The following SOX5 variants were observed in gnomAD, a reference collection of about 807,000 sequenced individuals.
The protein encoded by SOX5 is SRY-box transcription factor 5.
A neutral mutation model predicts 92.0 loss-of-function variants in SOX5; 9 were observed. The observed-to-expected ratio is 0.10, with a 90% CI of 0.06 to 0.17. SOX5 has a LOEUF of 0.17. Ranked by LOEUF, SOX5 falls within the 10% of genes least tolerant of loss-of-function variation. SOX5 has a pLI of 1.00. For synonymous variants in SOX5, 344 were observed against 336.3 expected (o/e 1.02, Z -0.25); for missense variants, 642 against 944.5 (o/e 0.68, Z 4.20).
chr12:24,172,818 G>C (rs942080560), intron 4 of SOX5, among the ~76,000 whole-genome samples: 1 of 152,140 alleles, frequency 6.6e-6, no homozygotes, highest in African/African-American at 2.4e-5. Flanking sequence ...AGTCAATTAG[G>C]CTATGAAAGC....
At chr12:23,567,991 G>A (rs1016475896) in intron 10 of SOX5, among the ~76,000 whole-genome samples, 9 of 152,104 alleles carry the variant, frequency 5.9e-5, no homozygotes, top group African/African-American at 2.2e-4. Context: ...GGGTTGAATT[G>A]TGTCTGCCCA....
chr12:24,437,399 A>G (rs1764477087), intron 1 of SOX5, among the ~76,000 whole-genome samples: 1 of 152,240 alleles, frequency 6.6e-6, no homozygotes, highest in African/African-American at 2.4e-5. Flanking sequence ...ACCATTCAGG[A>G]CATAGGCATG....
Position 24,049,094 on chromosome 12 carries a change from T to A in SOX5, c.-1-153070A>T, listed in dbSNP as rs765738. 8.3e-3 allele frequency among the ~76,000 whole-genome samples: 1,261 copies of A among 152,276 alleles called. 22 individuals are homozygous for A. The highest frequency in any genetic ancestry group is 0.029 in the African/African-American group (1,213 of 41,562). On this transcript the variant is annotated intron_variant, in intron 4 of 4. Coordinates refer to the SOX5 transcript ENST00000446891. ...ACATAAAATCTTAGCATACACGTCCTGAGGAACAAATAGGTAGCACATTCC... is the reference window on the plus strand; with the variant it reads ...ACATAAAATCTTAGCATACACGTCCAGAGGAACAAATAGGTAGCACATTCC...
chr12:23,625,545 T>C (rs1009658612), intron 8 of SOX5, among the ~76,000 whole-genome samples: 1 of 152,182 alleles, frequency 6.6e-6, no homozygotes, highest in Non-Finnish European at 1.5e-5. Flanking sequence ...CAATTCCAGC[T>C]CTTGACTCAT....
At chr12:23,640,952 A>G in intron 7 of SOX5, 55 bp from the exon 8 acceptor site, 1 of 1,175,454 alleles carries the variant, frequency 8.5e-7, no homozygotes, top group South Asian at 1.3e-5. Context: ...TCCACCTGCA[A>G]ATTAAACTCA....
At chr12:23,831,105 G>C (rs1448234402) in intron 3 of SOX5, among the ~76,000 whole-genome samples, 1 of 151,998 alleles carries the variant, frequency 6.6e-6, no homozygotes, top group African/African-American at 2.4e-5. Context: ...TCTATTTAGA[G>C]GATCTAATGG....
At chr12:23,802,611 T>C (rs1594596219) in intron 3 of SOX5, among the ~76,000 whole-genome samples, 2 of 152,164 alleles carry the variant, frequency 1.3e-5, no homozygotes, top group Non-Finnish European at 2.9e-5. Context: ...AATACGGAAT[T>C]GTGACACCCT....
intron 3 of SOX5, among the ~76,000 whole-genome samples, chr12:23,836,873 T>A (rs745546934): frequency 6.6e-5 from 10 of 151,978 alleles, no homozygotes; most frequent in Non-Finnish European, 1.3e-4. Context: ...TTACATTCAC[T>A]CTATCTTTGC....
At chr12:24,073,744 C>A (rs1156395501) in intron 4 of SOX5, among the ~76,000 whole-genome samples, 1 of 152,108 alleles carries the variant, frequency 6.6e-6, no homozygotes, top group Non-Finnish European at 1.5e-5. Flanking sequence ...TAACCTTTTA[C>A]CTAGCACAAG....
At chr12:24,311,025 G>A (rs1207490651) in intron 2 of SOX5, among the ~76,000 whole-genome samples, 2 of 152,130 alleles carry the variant, frequency 1.3e-5, no homozygotes, top group African/African-American at 4.8e-5. Context: ...GAGCAAGAAG[G>A]TCACTTCTGC....
chr12:24,520,330 C>T (rs759024991), intron 1 of SOX5, among the ~76,000 whole-genome samples: 22 of 151,744 alleles, frequency 1.4e-4, no homozygotes, highest in African/African-American at 7.2e-5. Flanking sequence ...ATATAAAATT[C>T]GATAAAAATT....
At chr12:24,454,598 T>C (rs1362593114) in intron 1 of SOX5, among the ~76,000 whole-genome samples, 4 of 152,196 alleles carry the variant, frequency 2.6e-5, no homozygotes, top group Non-Finnish European at 5.9e-5. Context: ...GAATTTACAT[T>C]GACCCTCCAT....
At chr12:24,121,566 A>T (rs987178784) in intron 4 of SOX5, among the ~76,000 whole-genome samples, 1 of 141,984 alleles carries the variant, frequency 7.0e-6, no homozygotes, top group African/African-American at 2.7e-5. Flanking sequence ...CAAATGGCTA[A>T]CTTTTTTTTT....
chr12:24,509,502 G>T (rs923123350), intron 1 of SOX5, among the ~76,000 whole-genome samples: 5 of 152,096 alleles, frequency 3.3e-5, no homozygotes, highest in African/African-American at 1.2e-4. Context: ...ATTTATTTGT[G>T]CCAGTATTTC....
At chr12:24,524,396 CATCCATCCTTCT>C in intron 1 of SOX5, among the ~76,000 whole-genome samples, 1 of 147,086 alleles carries the variant, frequency 6.8e-6, no homozygotes, top group Non-Finnish European at 1.5e-5. Flanking sequence ...TCCATCCATC[CATCCATCCTTCT>C]ATCCATCCTA....
At chr12:23,975,541 C>T (rs1325827189) in intron 4 of SOX5, among the ~76,000 whole-genome samples, 1 of 152,072 alleles carries the variant, frequency 6.6e-6, no homozygotes, top group Non-Finnish European at 1.5e-5. Flanking sequence ...TCCAGAAGCT[C>T]TGGAACGCTC....
chr12:23,693,424 C>A (rs1022236009), intron 6 of SOX5, among the ~76,000 whole-genome samples: 1 of 152,022 alleles, frequency 6.6e-6, no homozygotes, highest in Admixed American at 6.5e-5. Flanking sequence ...GCACCCAGCC[C>A]TGGTTTTATT....
intron 4 of SOX5, among the ~76,000 whole-genome samples, chr12:24,198,381 C>G (rs924297865): frequency 6.6e-6 from 1 of 152,154 alleles, no homozygotes; most frequent in Admixed American, 6.5e-5. Context: ...CTTTTTCATA[C>G]AACTTAAACA....
chr12:23,708,367 C>G (rs1452242052), intron 6 of SOX5, among the ~76,000 whole-genome samples: 6 of 148,902 alleles, frequency 4.0e-5, no homozygotes, highest in African/African-American at 9.8e-5. Flanking sequence ...GTGTGGAGAA[C>G]AGAAGAACGA....
Sources: gnomAD v4.1 joint callset for allele counts (sites outside exome capture counted in the v4.1 genomes callset) on GRCh38, gnomAD v4.1.1 for gene constraint, MANE v1.5 for transcripts, NCBI Gene and HGNC (gene_info 2026-07-23, HGNC 2026-07-21) for gene names.